Variants in EXTL3 observed in about 807,000 individuals in gnomAD.
EXTL3 encodes exostosin like glycosyltransferase 3, also known as exostosin-like 3.
EXTL3 carries 27 observed loss-of-function variants against 69.3 expected under a neutral mutation model. The observed-to-expected ratio is 0.39, with a 90% CI of 0.29 to 0.54. The LOEUF is 0.54. Ranked by LOEUF, EXTL3 falls within the 20% of genes least tolerant of loss-of-function variation. The pLI, the probability that EXTL3 is intolerant of heterozygous loss-of-function variation, is 0.69. For synonymous variants in EXTL3, 511 were observed against 499.4 expected, an observed-to-expected ratio of 1.02 and a Z score of -0.31; for missense variants, 1,003 against 1,231.8, an observed-to-expected ratio of 0.81 and a Z score of 2.78.
At chr8:28,747,913 T>C (rs192629243) in intron 6 of EXTL3, among the ~76,000 whole-genome samples, 6 of 152,216 alleles carry the variant, frequency 3.9e-5, no homozygotes, top group Non-Finnish European at 8.8e-5. Flanking sequence ...GTATTTTTAG[T>C]AGAAACAGGG....
At chr8:28,617,367 G>A (rs1409213983) in intron 2 of EXTL3, among the ~76,000 whole-genome samples, 5 of 152,152 alleles carry the variant, frequency 3.3e-5, no homozygotes, top group Non-Finnish European at 5.9e-5. Context: ...CATTATTCAC[G>A]ATAGCCAAAA....
At chr8:28,622,072 G>A (rs926325201), upstream of EXTL3, among the ~76,000 whole-genome samples, 2 of 152,112 alleles carry the variant, frequency 1.3e-5, no homozygotes, top group Admixed American at 6.5e-5. Context: ...ACAGAACCCC[G>A]TTCTTCTCTA....
chr8:28,679,661 T>G (rs1259842685), intron 1 of EXTL3, among the ~76,000 whole-genome samples: 1 of 150,924 alleles, frequency 6.6e-6, no homozygotes, highest in African/African-American at 2.4e-5. Flanking sequence ...AGTTCAAGGC[T>G]GCAGTGAGCT....
chr8:28,683,007 TGAA>T (rs1807517784), intron 1 of EXTL3, among the ~76,000 whole-genome samples: 1 of 152,244 alleles, frequency 6.6e-6, no homozygotes, highest in African/African-American at 2.4e-5. Flanking sequence ...TGCCATTTAT[TGAA>T]AAGACTCTCT....
chr8:28,742,341 C>T (rs1411187222), intron 5 of EXTL3: 2 of 152,136 alleles, frequency 1.3e-5, no homozygotes, highest in African/African-American at 4.8e-5. Context: ...CATTCATGAG[C>T]AGGTGTGAGT....
At position 28,755,221 on chromosome 8, in the gene EXTL3, C is replaced by T. The variant is rs1802094258; in HGVS notation, c.*4355C>T. ...TTCTGCCTTCCGCTAGGTTTGAGCG[C>T]CAGCGCCTGGCTGAGTGCCCTGCTC... is the stretch of plus-strand genomic sequence containing the variant. On this transcript the variant is annotated 3_prime_UTR_variant, in exon 7 of 7. Coordinates refer to ENST00000220562, the MANE Select transcript of EXTL3 (RefSeq NM_001440.4). The T allele has an allele frequency of 6.6e-6, 1 of 152,282 alleles. No homozygotes were observed. Among genetic ancestry groups the T allele is most frequent in the Non-Finnish European group, 1.5e-5 (1 of 68,096 alleles). 9.4% of individuals were successfully genotyped at this position (152,282 alleles called of 1,614,324 possible).
At chr8:28,665,634 C>T (rs544554359) in intron 1 of EXTL3, among the ~76,000 whole-genome samples, 2 of 152,068 alleles carry the variant, frequency 1.3e-5, no homozygotes, top group East Asian at 3.9e-4. Context: ...GCTCAAACTC[C>T]TGGGCTCGGG....
At chr8:28,695,096 G>A (rs1013323783) in intron 1 of EXTL3, among the ~76,000 whole-genome samples, 31 of 151,362 alleles carry the variant, frequency 2.0e-4, no homozygotes, top group African/African-American at 7.3e-4. Flanking sequence ...GCCGGAGACA[G>A]AAACGTATTC....
In EXTL3 at chr8:28,755,371, A is replaced by G. The variant is rs1339453298; in HGVS notation, c.*4505A>G. ...AGTTCCATAGTTTTCTCATGAATGA[A>G]TGCTTTGACAAAGTGAAGAGGGTCA... On this transcript the variant is annotated 3_prime_UTR_variant, in exon 7 of 7. Transcript: ENST00000220562. 1 of 152,440 alleles carries G rather than the reference A, an allele frequency of 6.6e-6. No individual in the cohort carries two copies. Among genetic ancestry groups the G allele is most frequent in the Non-Finnish European group, 1.5e-5 (1 of 68,072 alleles). 9.4% of individuals were successfully genotyped at this position (152,440 alleles called of 1,614,324 possible).
Position 28,701,552 on chromosome 8 carries a change from C to T in EXTL3, c.-677C>T, listed in dbSNP as rs1800793205. 1.3e-5 allele frequency: 2 copies of T among 153,268 alleles called. No homozygotes were observed. The highest frequency in any genetic ancestry group is 3.5e-4 in the South Asian group (2 of 5,670). 9.5% of individuals were successfully genotyped at this position (153,268 alleles called of 1,614,324 possible). On this transcript the variant is annotated 5_prime_UTR_variant, in exon 1 of 7. Transcript: ENST00000220562. ...CCGGCCGGCAGGGGGAGCGGCGGATCAGGCGCGGCCTGGAAGGCGGGCGGC... is the reference window on the plus strand; with the variant it reads ...CCGGCCGGCAGGGGGAGCGGCGGATTAGGCGCGGCCTGGAAGGCGGGCGGC...
intron 1 of EXTL3, among the ~76,000 whole-genome samples, chr8:28,681,155 G>A (rs770789693): frequency 6.6e-6 from 1 of 151,976 alleles, no homozygotes; most frequent in African/African-American, 2.4e-5. Context: ...ATACAGGCGT[G>A]AGCCACTGCG....
rs151075019 is a variant in EXTL3, at chr8:28,609,001, G to A, written n.314+1243G>A. 2.5e-4 allele frequency among the ~76,000 whole-genome samples: 38 copies of A among 152,200 alleles called. No individual in the cohort carries two copies. The East Asian group carries it at 6.9e-3, about 28-fold the overall frequency. On this transcript the variant is annotated intron_variant and non_coding_transcript_variant, in intron 2 of 4. Transcript: ENST00000522725. ...AGTGAATGGGTGGCTTCTTGTGTTGGGTGATCTGAGATTGTGCCATTAGGC... is the reference window on the plus strand; with the variant it reads ...AGTGAATGGGTGGCTTCTTGTGTTGAGTGATCTGAGATTGTGCCATTAGGC...
chr8:28,669,163 C>G (rs1807246439), intron 1 of EXTL3, among the ~76,000 whole-genome samples: 1 of 152,178 alleles, frequency 6.6e-6, no homozygotes, highest in Non-Finnish European at 1.5e-5. Flanking sequence ...TGTGCCTGGC[C>G]TGATAGAAGC....
Position 28,754,060 on chromosome 8 carries a change from G to GTGTGTGTGTGTGTGTGTA in EXTL3, c.*3195_*3196insGTGTGTGTGTGTGTGTAT, listed in dbSNP as rs369285182. 6.6e-6 allele frequency: 1 copy of GTGTGTGTGTGTGTGTGTA among 152,460 alleles called. No individual in the cohort carries two copies. The highest frequency in any genetic ancestry group is 1.5e-5 in the Non-Finnish European group (1 of 68,468). The allele number at this position is 152,460 out of a possible 1,614,324, so 9.4% of individuals were successfully genotyped here. Reference sequence around the variant, plus strand: ...TGTGTGTGTGTGTGTGTGTGTGTGTGTAGTGGTTGTGGGGAGCTGTGTGTG... The same window carrying GTGTGTGTGTGTGTGTGTA: ...TGTGTGTGTGTGTGTGTGTGTGTGTGTGTGTGTGTGTGTGTGTATAGTGGTTGTGGGGAGCTGTGTGTG... On this transcript the variant is annotated 3_prime_UTR_variant, in exon 7 of 7. Transcript: ENST00000220562.
At position 28,707,445 on chromosome 8, in the gene EXTL3, A is replaced by G. The variant is rs1310775057; in HGVS notation, c.-570+5786A>G. ...GCCTAGCACACTGTAAATATAAATC[A>G]GTAGCAATTATGAAAAAGCCCTCTC... On this transcript the variant is annotated intron_variant, in intron 1 of 6. Transcript: ENST00000220562. Among the ~76,000 whole-genome samples, 6 of 152,372 alleles carry G rather than the reference A, an allele frequency of 3.9e-5. No individual in the cohort carries two copies. In the East Asian group the frequency reaches 7.7e-4, roughly 20 times the overall value.
chr8:28,672,400 C>A (rs573513168), intron 1 of EXTL3, among the ~76,000 whole-genome samples: 10 of 108,416 alleles, frequency 9.2e-5, no homozygotes, highest in South Asian at 3.6e-4. Flanking sequence ...TCTGGGCAAC[C>A]GAGCGAGACT....
intron 1 of EXTL3, among the ~76,000 whole-genome samples, chr8:28,652,680 T>G (rs1022543125): frequency 2.8e-5 from 4 of 141,580 alleles, no homozygotes; most frequent in African/African-American, 1.0e-4. Flanking sequence ...TATATTTATA[T>G]ATAGCCATAT....
At chr8:28,687,671 G>A (rs1563204744) in intron 1 of EXTL3, among the ~76,000 whole-genome samples, 1 of 152,144 alleles carries the variant, frequency 6.6e-6, no homozygotes, top group Non-Finnish European at 1.5e-5. Context: ...AGTCTTAGAA[G>A]TGTTCACCTA....
chr8:28,617,127 A>G (rs879485070), intron 2 of EXTL3, among the ~76,000 whole-genome samples: 1 of 152,136 alleles, frequency 6.6e-6, no homozygotes, highest in African/African-American at 2.4e-5. Context: ...TGATTTGAGG[A>G]GTGTCTGCAA....
Sources: allele counts gnomAD v4.1 joint callset (sites outside exome capture counted in the v4.1 genomes callset), GRCh38; gene constraint gnomAD v4.1.1; transcripts MANE v1.5; gene names NCBI Gene and HGNC (gene_info 2026-07-23, HGNC 2026-07-21).